DCAF4: variants seen among roughly 807,000 people sequenced by gnomAD.
DCAF4 encodes DDB1 and CUL4 associated factor 4, also known as DDB1- and CUL4-associated factor 4.
A neutral mutation model predicts 60.9 loss-of-function variants in DCAF4; 37 were observed. That is an observed-to-expected ratio of 0.61 (90% CI 0.47 to 0.80). DCAF4 has a LOEUF of 0.80. Ranked by LOEUF, DCAF4 falls within the 30% of genes least tolerant of loss-of-function variation. The pLI, the probability that DCAF4 is intolerant of heterozygous loss-of-function variation, is 0.00. For synonymous variants in DCAF4, 243 were observed against 254.8 expected (o/e 0.95, Z 0.44); for missense variants, 577 against 650.0 (o/e 0.89, Z 1.22).
At chr14:72,956,855 C>T (rs1265873842) in intron 13 of DCAF4, 1 of 269,424 alleles carries the variant, frequency 3.7e-6, no homozygotes. Context: ...CTTGGGCTCC[C>T]TGTTGTCTCT....
chr14:72,934,307 C>T (rs1567297386), intron 1 of DCAF4, among the ~76,000 whole-genome samples: 1 of 152,160 alleles, frequency 6.6e-6, no homozygotes, highest in South Asian at 2.1e-4. Flanking sequence ...GCGCCCACTA[C>T]CATGCCTGGC....
intron 13 of DCAF4, 84 bp from the exon 14 acceptor site, chr14:72,958,528 A>G: frequency 6.6e-7 from 1 of 1,509,350 alleles, no homozygotes. Context: ...GCCCTGAGGA[A>G]TCTTGGGAAG....
intron 1 of DCAF4, among the ~76,000 whole-genome samples, chr14:72,930,739 AAG>A (rs747729160): frequency 6.6e-6 from 1 of 152,066 alleles, no homozygotes; most frequent in Non-Finnish European, 1.5e-5. Flanking sequence ...GTTTCCTTCA[AAG>A]AGTTTTATAG....
intron 12 of DCAF4, 131 bp downstream of exon 12, chr14:72,955,827 T>G: frequency 1.2e-6 from 1 of 823,652 alleles, no homozygotes; most frequent in East Asian, 2.5e-5. Context: ...ACCAAGTGAT[T>G]TGTAGGCCCT....
At chr14:72,940,451 T>C (rs1180652895) in intron 4 of DCAF4, 74 bp downstream of exon 4, 1 of 1,486,738 alleles carries the variant, frequency 6.7e-7, no homozygotes, top group African/African-American at 1.4e-5. Flanking sequence ...TTGAAAAGGG[T>C]GCCAATTAGA....
intron 1 of DCAF4, 141 bp from the exon 2 acceptor site, chr14:72,937,830 C>T: frequency 7.6e-7 from 1 of 1,309,208 alleles, no homozygotes; most frequent in Middle Eastern, 2.9e-4. Flanking sequence ...CCAGGTAAGG[C>T]TTGCTGTGGC....
chr14:72,959,810 ACT>A, downstream of DCAF4: 1 of 332,534 alleles, frequency 3.0e-6, no homozygotes, highest in Non-Finnish European at 4.3e-6. Context: ...TGCCCAAAAG[ACT>A]CACCTCTGGA....
chr14:72,954,539 C>A, intron 11 of DCAF4, 56 bp downstream of exon 11: 2 of 1,560,204 alleles, frequency 1.3e-6, no homozygotes, highest in Non-Finnish European at 1.8e-6. Context: ...AGAAATTTGG[C>A]CAGATTGAAA....
chr14:72,943,167 C>G, intron 6 of DCAF4, 71 bp downstream of exon 6: 3 of 1,420,760 alleles, frequency 2.1e-6, no homozygotes, highest in Non-Finnish European at 3.0e-6. Flanking sequence ...TTAGCGTTGC[C>G]AGTCATCAAA....
Position 72,943,109 on chromosome 14 carries a change from G to C in DCAF4, c.534+13G>C. ...TAACCTCATACTGGTGAGTGGGAGGGGGACACCTGCCTAGGGTGTGGCTGC... is the reference window on the plus strand; with the variant it reads ...TAACCTCATACTGGTGAGTGGGAGGCGGACACCTGCCTAGGGTGTGGCTGC... On this transcript the variant is annotated intron_variant, in intron 6 of 13. Coordinates refer to ENST00000358377, the MANE Select transcript of DCAF4 (RefSeq NM_015604.4). 6.2e-7 allele frequency: 1 copy of C among 1,610,250 alleles called. No homozygotes were observed. Among genetic ancestry groups the C allele is most frequent in the Non-Finnish European group, 8.5e-7 (1 of 1,176,498 alleles).
chr14:72,928,328 A>T (rs1165856215), intron 1 of DCAF4, among the ~76,000 whole-genome samples: 1 of 150,938 alleles, frequency 6.6e-6, no homozygotes, highest in African/African-American at 2.4e-5. Flanking sequence ...CGAGTAGCTG[A>T]GACTACGGGC....
chr14:72,948,627 GA>G lies in DCAF4; in HGVS notation c.728+1445del, dbSNP rs972226970. Among the ~76,000 whole-genome samples, 7 of 151,370 alleles carry G rather than the reference GA, an allele frequency of 4.6e-5. No homozygotes were observed. In the East Asian group the frequency reaches 1.4e-3, roughly 29 times the overall value. On this transcript the variant is annotated intron_variant, in intron 8 of 13. Coordinates refer to ENST00000358377, the MANE Select transcript of DCAF4 (RefSeq NM_015604.4). ...TCTCGTTTCTGTGGGCTAAGGAGAG[GA>G]AAAAAAAATCCATGTAATTGGACTT...
intron 1 of DCAF4, among the ~76,000 whole-genome samples, chr14:72,936,711 T>G (rs1889328620): frequency 6.6e-6 from 1 of 152,126 alleles, no homozygotes; most frequent in Non-Finnish European, 1.5e-5. Flanking sequence ...TCTGTGGAGA[T>G]AGACACGAAG....
chr14:72,934,797 T>C (rs1889042920), intron 1 of DCAF4, among the ~76,000 whole-genome samples: 1 of 152,154 alleles, frequency 6.6e-6, no homozygotes, highest in South Asian at 2.1e-4. Context: ...GCTTATTATC[T>C]CTGCCCACTC....
rs1333035228 is a variant in DCAF4 at position 72,940,310 on chromosome 14, G to A, written c.284G>A (p.Ser95Asn). The A allele has an allele frequency of 1.2e-6, 2 of 1,614,156 alleles. No individual in the cohort carries two copies. The highest frequency in any genetic ancestry group is 3.3e-5 in the Admixed American group (2 of 60,002). The change falls in exon 4 of 14, where the codon AGC becomes AAC. Residue 95 changes from serine to asparagine, a missense_variant. Transcript: ENST00000358377. ...AACTGCAACCCCCTGACGAAAGAGA[G>A]CATCCGGCAGAAGGAGATGGAGAGC... ...HNNCNPLTKE[S>N]IRQKEMESKR...
At chr14:72,938,864 G>A (rs996790185) in intron 2 of DCAF4, among the ~76,000 whole-genome samples, 2 of 152,062 alleles carry the variant, frequency 1.3e-5, no homozygotes, top group Admixed American at 6.6e-5. Flanking sequence ...GTATGCTAGT[G>A]TAGACTTTAA....
rs1892315764 is a variant in DCAF4, at chr14:72,956,458, C to T, written c.1252C>T (p.Leu418=). ...YEGHVNEYAY[L]PLHVHEEEGI... The stretch of plus-strand genomic sequence containing the variant: ...AGGCCACGTGAATGAGTACGCCTAC[C>T]TGCCCCTGCATGTGCACGAGGAAGA... Residue 418 remains leucine, a synonymous_variant, in exon 13 of 14, where the codon CTG becomes TTG. Transcript: ENST00000358377. 6 of 1,613,606 alleles carry T rather than the reference C, an allele frequency of 3.7e-6. No homozygotes were observed. The highest frequency in any genetic ancestry group is 5.1e-6 in the Non-Finnish European group (6 of 1,179,792).
At chr14:72,938,401 A>G (rs558716895) in intron 2 of DCAF4, among the ~76,000 whole-genome samples, 17 of 152,364 alleles carry the variant, frequency 1.1e-4, no homozygotes, top group African/African-American at 3.4e-4. Flanking sequence ...CCGTTTCTCC[A>G]TTTTGTAGAC....
At chr14:72,935,611 C>T (rs1889163886) in intron 1 of DCAF4, among the ~76,000 whole-genome samples, 1 of 152,218 alleles carries the variant, frequency 6.6e-6, no homozygotes, top group Admixed American at 6.5e-5. Context: ...TGGCAGGCTC[C>T]CTTACCAGAT....
Sources: allele counts gnomAD v4.1 joint callset (sites outside exome capture counted in the v4.1 genomes callset), GRCh38; gene constraint gnomAD v4.1.1; transcripts MANE v1.5; gene names NCBI Gene and HGNC (gene_info 2026-07-23, HGNC 2026-07-21).